The following DTD1 variants were observed in gnomAD, a reference collection of about 807,000 sequenced individuals.
DTD1 encodes D-tyrosyl-tRNA deacylase 1 homolog.
In DTD1, 13 loss-of-function variants were observed where a neutral mutation model predicts 25.6. That is an observed-to-expected ratio of 0.51 (90% CI 0.33 to 0.81). The LOEUF is 0.81. DTD1 is among the 30% of genes least tolerant of loss of function. The probability of loss-of-function intolerance (pLI) is 0.02; values close to 1 mark genes in which losing one functional copy is unlikely to be tolerated. For missense variants in DTD1, 193 were observed against 266.4 expected (o/e 0.72, Z 1.92); for synonymous variants, 110 against 103.6 (o/e 1.06, Z -0.37).
chr20:18,695,555 CCTTCT>C (rs1568671990), intron 4 of DTD1, among the ~76,000 whole-genome samples: 1 of 41,664 alleles, frequency 2.4e-5, no homozygotes, highest in Non-Finnish European at 5.3e-5. Context: ...CCTTCCCTTC[CCTTCT>C]CTTCCCCTCC....
At chr20:18,740,239 C>G (rs2061271937) in intron 4 of DTD1, among the ~76,000 whole-genome samples, 1 of 112,356 alleles carries the variant, frequency 8.9e-6, no homozygotes, top group South Asian at 3.6e-4. Context: ...ACAAAGAGGC[C>G]TTTGCATGAG....
intron 3 of DTD1, among the ~76,000 whole-genome samples, chr20:18,616,339 C>T (rs1449603899): frequency 6.6e-6 from 1 of 152,170 alleles, no homozygotes; most frequent in Non-Finnish European, 1.5e-5. Context: ...TACAATGTAG[C>T]ATACCTCTTC....
chr20:18,638,277 T>C (rs2060815910), intron 4 of DTD1, among the ~76,000 whole-genome samples: 1 of 152,162 alleles, frequency 6.6e-6, no homozygotes, highest in African/African-American at 2.4e-5. Flanking sequence ...CAGATTATTA[T>C]TGGGTGCTTG....
In DTD1 at chr20:18,588,822, G is replaced by C. The variant is rs905195868; in HGVS notation, c.43+707G>C. The C allele has an allele frequency of 4.8e-5, 47 of 985,386 alleles. No homozygotes were observed. The African/African-American group carries it at 7.7e-4, about 16-fold the overall frequency. The allele number at this position is 985,386 out of a possible 1,614,324, so 61.0% of individuals were successfully genotyped here. A position where few individuals can be genotyped will look rare whatever the true frequency, so the allele number is the denominator to read the frequency against. Reference sequence around the variant, plus strand: ...GGTCATCACTCAGCACTTTCGTCTCGGTTGGGCATCAGAGGTCCAGATGAT... The same window carrying C: ...GGTCATCACTCAGCACTTTCGTCTCCGTTGGGCATCAGAGGTCCAGATGAT... On this transcript the variant is annotated intron_variant, in intron 1 of 5. Transcript: ENST00000377452.
At chr20:18,724,097 C>A (rs2061215127) in intron 4 of DTD1, among the ~76,000 whole-genome samples, 1 of 152,224 alleles carries the variant, frequency 6.6e-6, no homozygotes, top group Non-Finnish European at 1.5e-5. Context: ...AAGCCCCTGG[C>A]AAACTTCCTC....
intron 3 of DTD1, among the ~76,000 whole-genome samples, chr20:18,598,881 C>T (rs2060622685): frequency 2.0e-5 from 3 of 152,066 alleles, no homozygotes; most frequent in Non-Finnish European, 2.9e-5. Flanking sequence ...TCCCTAACTC[C>T]TGTCAACCAC....
chr20:18,637,096 C>CT (rs1490309899), intron 4 of DTD1, among the ~76,000 whole-genome samples: 8 of 152,212 alleles, frequency 5.3e-5, no homozygotes, highest in Admixed American at 4.6e-4. Context: ...CAGTGATCAT[C>CT]TGCTCCAGGT....
At chr20:18,593,133 G>A (rs1380838148) in intron 1 of DTD1, among the ~76,000 whole-genome samples, 1 of 151,934 alleles carries the variant, frequency 6.6e-6, no homozygotes, top group Non-Finnish European at 1.5e-5. Flanking sequence ...AATATTTGGA[G>A]ATCATTGGCT....
At position 18,616,998 on chromosome 20, in the gene DTD1, G is replaced by T. The variant is rs573612008; in HGVS notation, c.371-11129G>T. Among the ~76,000 whole-genome samples the T allele has an allele frequency of 4.6e-5, 7 of 152,150 alleles. No individual in the cohort carries two copies. The South Asian group carries it at 1.5e-3, about 32-fold the overall frequency. ...TTTCTATTCTTTCCATTCTCTCTGG[G>T]CTCTTTCCCCCTCCTGTCCTTATTC... On this transcript the variant is annotated intron_variant, in intron 3 of 5. Transcript: ENST00000377452.
chr20:18,610,572 A>G (rs920817545), intron 3 of DTD1, among the ~76,000 whole-genome samples: 1 of 152,232 alleles, frequency 6.6e-6, no homozygotes, highest in Non-Finnish European at 1.5e-5. Flanking sequence ...TTACAATTTA[A>G]TGCATTTTGG....
At chr20:18,622,465 A>G (rs1406424619) in intron 3 of DTD1, among the ~76,000 whole-genome samples, 3 of 152,226 alleles carry the variant, frequency 2.0e-5, no homozygotes, top group Non-Finnish European at 4.4e-5. Context: ...TCATTTTTAA[A>G]CAGGAAGGGA....
At chr20:18,716,682 A>G (rs1284196457) in intron 4 of DTD1, among the ~76,000 whole-genome samples, 1 of 152,218 alleles carries the variant, frequency 6.6e-6, no homozygotes, top group Admixed American at 6.5e-5. Context: ...TGACTCGAAC[A>G]ATGTGGAGGT....
chr20:18,634,827 A>C (rs1668433487), intron 4 of DTD1, among the ~76,000 whole-genome samples: 2 of 152,196 alleles, frequency 1.3e-5, no homozygotes. Context: ...GGTGAAATGA[A>C]GGACACATGA....
rs537791777 is a variant in DTD1, at chr20:18,640,861, C to T, written c.477+12628C>T. Among the ~76,000 whole-genome samples, 4 of 152,164 alleles carry T rather than the reference C, an allele frequency of 2.6e-5. No homozygotes were observed. In the South Asian group the frequency reaches 8.3e-4, roughly 32 times the overall value. ...GGCCAGGCTGATCTCAAACTCCTGA[C>T]CTCAAGTGATCTACCCGCTTCGGCC... On this transcript the variant is annotated intron_variant, in intron 4 of 5. Coordinates refer to ENST00000377452, the MANE Select transcript of DTD1 (RefSeq NM_080820.6).
chr20:18,743,032 C>T (rs756042624), intron 4 of DTD1, among the ~76,000 whole-genome samples: 26 of 152,214 alleles, frequency 1.7e-4, no homozygotes, highest in Non-Finnish European at 2.5e-4. Flanking sequence ...AAAACTTGGC[C>T]GGTCTTCTCT....
At chr20:18,701,637 C>T (rs1441735937) in intron 4 of DTD1, among the ~76,000 whole-genome samples, 1 of 152,096 alleles carries the variant, frequency 6.6e-6, no homozygotes, top group African/African-American at 2.4e-5. Flanking sequence ...CTTTCAGTGT[C>T]GGGGAGAGCA....
intron 5 of DTD1, among the ~76,000 whole-genome samples, chr20:18,761,928 A>C (rs560459207): frequency 1.3e-5 from 2 of 152,310 alleles, no homozygotes; most frequent in Admixed American, 1.3e-4. Context: ...TTCTCCACCC[A>C]CTGGTTGTCT....
chr20:18,743,543 A>G (rs1221577313), intron 4 of DTD1, among the ~76,000 whole-genome samples: 2 of 151,886 alleles, frequency 1.3e-5, no homozygotes, highest in Non-Finnish European at 2.9e-5. Context: ...AAAAATTGGC[A>G]TGCACCTGTA....
At chr20:18,701,556 C>G (rs8118764) in intron 4 of DTD1, among the ~76,000 whole-genome samples, 3,177 of 152,264 alleles carry the variant, frequency 0.021, 109 homozygotes, top group African/African-American at 0.071. Context: ...GTGTGGAGGA[C>G]AAGGGACATC....
Sources: allele counts gnomAD v4.1 joint callset (sites outside exome capture counted in the v4.1 genomes callset), GRCh38; gene constraint gnomAD v4.1.1; transcripts MANE v1.5; gene names NCBI Gene and HGNC (gene_info 2026-07-23, HGNC 2026-07-21).